The following ANKRD33B variants were observed in gnomAD, a reference collection of about 807,000 sequenced individuals.
ANKRD33B encodes the protein ankyrin repeat domain 33B.
A neutral mutation model predicts 21.5 loss-of-function variants in ANKRD33B; 6 were observed. That is an observed-to-expected ratio of 0.28 (90% CI 0.15 to 0.55). The LOEUF (loss-of-function observed/expected upper bound fraction) is 0.55. Ranked by LOEUF, ANKRD33B falls within the 20% of genes least tolerant of loss-of-function variation. The pLI is 0.94. For synonymous variants in ANKRD33B, 347 were observed against 342.4 expected (o/e 1.01, Z -0.15); for missense variants, 698 against 747.2 (o/e 0.93, Z 0.77).
rs1480561118 is a variant in ANKRD33B, at chr5:10,570,904, T to G, written c.366+6071T>G. Among the ~76,000 whole-genome samples the G allele has an allele frequency of 6.2e-5, 3 of 48,412 alleles. No homozygotes were observed. The East Asian group carries it at 3.3e-3, about 53-fold the overall frequency. The allele number at this position is 48,412 out of a possible 152,430, so 31.8% of individuals were successfully genotyped here. On this transcript the variant is annotated intron_variant, in intron 1 of 3. Transcript: ENST00000296657. ...CTTTAACAACATGACTCAAATAACC[T>G]TTTTTTTTTTTTTTTTTGTCAATTA...
chr5:10,629,155 T>C (rs1409762761), intron 2 of ANKRD33B, among the ~76,000 whole-genome samples: 3 of 152,130 alleles, frequency 2.0e-5, no homozygotes, highest in South Asian at 2.1e-4. Context: ...CCTGTTGGTG[T>C]CACCGTGCTG....
In ANKRD33B at chr5:10,650,070, C is replaced by T; in HGVS notation, c.1442C>T (p.Ala481Val). ...EEAEKKRQAE[A>V]QKERRTAPWK... Reference sequence around the variant, plus strand: ...GCCGAAAAGAAGCGCCAGGCCGAGGCGCAGAAGGAGAGGCGCACTGCGCCC... The same window carrying T: ...GCCGAAAAGAAGCGCCAGGCCGAGGTGCAGAAGGAGAGGCGCACTGCGCCC... Residue 481 changes from alanine to valine, a missense_variant, in exon 4 of 4, where the codon GCG becomes GTG. By Grantham distance (64) the Ala-to-Val change is moderately conservative. Transcript: ENST00000296657. 1 of 1,529,128 alleles carries T rather than the reference C, an allele frequency of 6.5e-7. No homozygotes were observed. Among genetic ancestry groups the T allele is most frequent in the Non-Finnish European group, 8.8e-7 (1 of 1,142,698 alleles). The allele number at this position is 1,529,128 out of a possible 1,614,324, so 94.7% of individuals were successfully genotyped here.
intron 3 of ANKRD33B, among the ~76,000 whole-genome samples, chr5:10,639,919 G>T (rs148008424): frequency 1.1e-4 from 2 of 18,912 alleles, no homozygotes; most frequent in African/African-American, 1.3e-4. Flanking sequence ...GGTGACGTGG[G>T]GTTGCGCGGC....
chr5:10,586,244 T>G (rs1016508577), intron 1 of ANKRD33B, among the ~76,000 whole-genome samples: 2 of 152,136 alleles, frequency 1.3e-5, no homozygotes, highest in Non-Finnish European at 1.5e-5. Context: ...GGAGCCCCTG[T>G]ATACAGAGTC....
chr5:10,640,016 GCGCGGCGA>G (rs1736999208), intron 3 of ANKRD33B, among the ~76,000 whole-genome samples: 3 of 88,032 alleles, frequency 3.4e-5, no homozygotes, highest in Non-Finnish European at 5.1e-5. Flanking sequence ...ACGTGGAGTT[GCGCGGCGA>G]TGTTAGCGGG....
chr5:10,585,534 A>G (rs757562477), intron 1 of ANKRD33B, among the ~76,000 whole-genome samples: 2 of 152,216 alleles, frequency 1.3e-5, no homozygotes, highest in Non-Finnish European at 1.5e-5. Context: ...TTCTAGGGAA[A>G]AGAAACGCAC....
rs78652374 is a variant in ANKRD33B, at chr5:10,596,635, T to C, written c.367-21698T>C. Among the ~76,000 whole-genome samples the C allele has an allele frequency of 6.1e-3, 928 of 152,234 alleles. 7 individuals are homozygous for C. Among genetic ancestry groups the C allele is most frequent in the African/African-American group, 0.021 (881 of 41,538 alleles). ...TGGAAAACATAATTCAGGATATCAT[T>C]TGTGAGAACTTCCCCAACCTAGTAA... On this transcript the variant is annotated intron_variant, in intron 1 of 3. Transcript: ENST00000296657.
chr5:10,609,430 T>C lies in ANKRD33B; in HGVS notation c.367-8903T>C, dbSNP rs571051001. On this transcript the variant is annotated intron_variant, in intron 1 of 3. Transcript: ENST00000296657. ...AGCTGGATGTGGTGGTGCTCACCCA[T>C]AGTCCCAGCTACTAGGGAGGCTGAG... Among the ~76,000 whole-genome samples, 493 of 152,140 alleles carry C rather than the reference T, an allele frequency of 3.2e-3. 1 individual carries two copies. Among genetic ancestry groups the C allele is most frequent in the South Asian group, 8.7e-3 (42 of 4,818 alleles).
chr5:10,621,260 C>A (rs1474848237), intron 2 of ANKRD33B, among the ~76,000 whole-genome samples: 1 of 152,076 alleles, frequency 6.6e-6, no homozygotes, highest in East Asian at 1.9e-4. Flanking sequence ...AATGATAGTT[C>A]TTTTTTTAGT....
At chr5:10,600,725 A>G (rs1295694543) in intron 1 of ANKRD33B, among the ~76,000 whole-genome samples, 1 of 152,204 alleles carries the variant, frequency 6.6e-6, no homozygotes, top group Non-Finnish European at 1.5e-5. Context: ...GTTAAACTTT[A>G]ATAGAAACTG....
At chr5:10,643,375 G>A (rs1002891976) in intron 3 of ANKRD33B, among the ~76,000 whole-genome samples, 1 of 152,096 alleles carries the variant, frequency 6.6e-6, no homozygotes, top group African/African-American at 2.4e-5. Context: ...GTTGCTCAAA[G>A]TCTCCCAGGT....
rs773626877 is a variant in ANKRD33B, at chr5:10,652,815, G to T, written c.*2702G>T. 4 of 299,210 alleles carry T rather than the reference G, an allele frequency of 1.3e-5. No individual in the cohort carries two copies. The highest frequency in any genetic ancestry group is 2.9e-5 in the South Asian group (1 of 34,494). 18.5% of individuals were successfully genotyped at this position (299,210 alleles called of 1,614,324 possible). A position where few individuals can be genotyped will look rare whatever the true frequency, so the allele number is the denominator to read the frequency against. On this transcript the variant is annotated 3_prime_UTR_variant, in exon 4 of 4. Coordinates refer to ENST00000296657, the MANE Select transcript of ANKRD33B (RefSeq NM_001164440.2). This position sits in a 1 kb window ranked among gnomAD's most constrained non-coding sequence, Gnocchi z 4.1. ...CTGGGGCCAGCACAGGGATTGTCCAGTGATGCTCCTGGTGTCCACAAAACA... is the reference window on the plus strand; with the variant it reads ...CTGGGGCCAGCACAGGGATTGTCCATTGATGCTCCTGGTGTCCACAAAACA...
chr5:10,637,593 T>C (rs1425059771), intron 2 of ANKRD33B, among the ~76,000 whole-genome samples: 1 of 152,084 alleles, frequency 6.6e-6, no homozygotes, highest in African/African-American at 2.4e-5. Flanking sequence ...TCCCTGCAGC[T>C]CTGGAGCACT....
rs1203314859 is a variant in ANKRD33B at position 10,655,634 on chromosome 5, G to A, written c.*5521G>A. On this transcript the variant is annotated 3_prime_UTR_variant, in exon 4 of 4. Coordinates refer to ENST00000296657, the MANE Select transcript of ANKRD33B (RefSeq NM_001164440.2). ...CCTGCGGTGGTCAGAGTCCCCCTGT[G>A]CTGTGTCAGCTCCTGGACACTACTA... is the stretch of plus-strand genomic sequence containing the variant. 1 of 152,342 alleles carries A rather than the reference G, an allele frequency of 6.6e-6. No individual in the cohort carries two copies. Among genetic ancestry groups the A allele is most frequent in the African/African-American group, 2.4e-5 (1 of 41,438 alleles). The allele number at this position is 152,342 out of a possible 1,614,324, so 9.4% of individuals were successfully genotyped here.
At chr5:10,573,320 T>A (rs970286198) in intron 1 of ANKRD33B, among the ~76,000 whole-genome samples, 1 of 151,912 alleles carries the variant, frequency 6.6e-6, no homozygotes, top group African/African-American at 2.4e-5. Flanking sequence ...TACAAAAAAT[T>A]AGCTCGGTGT....
Position 10,638,757 on chromosome 5 carries a change from C to T in ANKRD33B, c.637+589C>T, listed in dbSNP as rs114072058. On this transcript the variant is annotated intron_variant, in intron 3 of 3. Coordinates refer to ENST00000296657, the MANE Select transcript of ANKRD33B (RefSeq NM_001164440.2). ...AAGGCGATGTGGAGTTGCTTGTTAA[C>T]GTTAGGAGGCGACATGTTGCACGGT... Among the ~76,000 whole-genome samples the T allele has an allele frequency of 2.8e-3, 432 of 151,884 alleles. 3 individuals are homozygous for T. Among genetic ancestry groups the T allele is most frequent in the Middle Eastern group, 0.021 (6 of 292 alleles).
intron 2 of ANKRD33B, 87 bp downstream of exon 2, chr5:10,618,549 G>T: frequency 7.0e-7 from 1 of 1,433,276 alleles, no homozygotes; most frequent in East Asian, 2.5e-5. Context: ...GATGCAGTCA[G>T]GATGGAAATG....
rs971965203 is a variant in ANKRD33B at position 10,656,946 on chromosome 5, A to G, written c.*6833A>G. 2 of 152,018 alleles carry G rather than the reference A, an allele frequency of 1.3e-5. No homozygotes were observed. Among genetic ancestry groups the G allele is most frequent in the Admixed American group, 6.6e-5 (1 of 15,242 alleles). 9.4% of individuals were successfully genotyped at this position (152,018 alleles called of 1,614,324 possible). On this transcript the variant is annotated 3_prime_UTR_variant, in exon 4 of 4. Transcript: ENST00000296657. ...AGTTTTTGAGGGAACTAGTTTTGTC[A>G]TAATACTACACCCCTCTATTGTTTT...
chr5:10,631,901 C>T (rs753832523), intron 2 of ANKRD33B, among the ~76,000 whole-genome samples: 6 of 152,294 alleles, frequency 3.9e-5, no homozygotes, highest in South Asian at 2.1e-4. Flanking sequence ...GAATGCTGGT[C>T]GGTTGTTTCA....
Sources: allele counts gnomAD v4.1 joint callset (sites outside exome capture counted in the v4.1 genomes callset), GRCh38; gene constraint gnomAD v4.1.1; non-coding constraint Gnocchi (gnomAD v3.1); transcripts MANE v1.5; gene names NCBI Gene and HGNC (gene_info 2026-07-23, HGNC 2026-07-21).